Variants in GSR observed in about 807,000 individuals in gnomAD.
The protein encoded by GSR is glutathione-disulfide reductase, also known as glutathione reductase, mitochondrial.
Under a neutral mutation model 56.5 loss-of-function variants are expected in GSR, and 48 were observed. That is an observed-to-expected ratio of 0.85 (90% CI 0.67 to 1.08). GSR has a LOEUF of 1.08. Among genes scored for constraint, GSR ranks in the 50% least tolerant of loss-of-function variants. The probability of loss-of-function intolerance (pLI) is 0.00; values close to 1 mark genes in which losing one functional copy is unlikely to be tolerated. For missense variants in GSR, 694 were observed against 703.3 expected (o/e 0.99, Z 0.15); for synonymous variants, 264 against 270.8 (o/e 0.97, Z 0.25).
chr8:30,690,220 C>T (rs1027400290), intron 8 of GSR, among the ~76,000 whole-genome samples: 4 of 150,052 alleles, frequency 2.7e-5, no homozygotes, highest in African/African-American at 9.8e-5. Flanking sequence ...CTCTGTTGCC[C>T]AGGCTGGAGT....
chr8:30,700,525 T>C (rs891259904), intron 5 of GSR, among the ~76,000 whole-genome samples: 1 of 151,800 alleles, frequency 6.6e-6, no homozygotes, highest in African/African-American at 2.4e-5. Flanking sequence ...TCAAAATCTA[T>C]GTGGCCTGGC....
At chr8:30,699,685 C>T (rs1033650846) in intron 6 of GSR, among the ~76,000 whole-genome samples, 1 of 151,782 alleles carries the variant, frequency 6.6e-6, no homozygotes, top group African/African-American at 2.4e-5. Context: ...CTCAGGTGAT[C>T]TGCCCGCTTC....
rs1804220240 is a variant in GSR at position 30,713,391 on chromosome 8, C to T, written c.307-1303G>A. On this transcript the variant is annotated intron_variant, in intron 1 of 12. Coordinates refer to ENST00000221130, the MANE Select transcript of GSR (RefSeq NM_000637.5). ...GTTTTTTTTTTGAGACTGAGTCTCACTATATCGCGCAGGCTGGAGTATAGT... is the reference window on the plus strand; with the variant it reads ...GTTTTTTTTTTGAGACTGAGTCTCATTATATCGCGCAGGCTGGAGTATAGT... Among the ~76,000 whole-genome samples, 3 of 151,300 alleles carry T rather than the reference C, an allele frequency of 2.0e-5. No homozygotes were observed. In the Admixed American group the frequency reaches 2.0e-4, roughly 10 times the overall value.
At chr8:30,700,481 C>T (rs569213839) in intron 5 of GSR, among the ~76,000 whole-genome samples, 9 of 152,010 alleles carry the variant, frequency 5.9e-5, no homozygotes, top group African/African-American at 2.2e-4. Flanking sequence ...TGTGAGACAC[C>T]GTTCCTGCCT....
chr8:30,726,976 A>G (rs1196231679), intron 1 of GSR: 1 of 152,304 alleles, frequency 6.6e-6, no homozygotes, highest in African/African-American at 2.4e-5. Flanking sequence ...TAAGTCGGGA[A>G]ACATCCCAAA....
In GSR at chr8:30,678,521, C is replaced by A. The variant is rs753362892; in HGVS notation, c.*999G>T. The A allele has an allele frequency of 6.6e-6, 1 of 151,736 alleles. No homozygotes were observed. Among genetic ancestry groups the A allele is most frequent in the African/African-American group, 2.4e-5 (1 of 41,308 alleles). 9.4% of individuals were successfully genotyped at this position (151,736 alleles called of 1,614,324 possible). On this transcript the variant is annotated 3_prime_UTR_variant, in exon 13 of 13. Coordinates refer to ENST00000221130, the MANE Select transcript of GSR (RefSeq NM_000637.5). ...GATTACAGATGCACATCACCACACT[C>A]GGGTAATTTTTTTTACTCTCTGTAG...
chr8:30,691,645 C>T (rs952754683), intron 8 of GSR, among the ~76,000 whole-genome samples: 2 of 150,922 alleles, frequency 1.3e-5, no homozygotes, highest in Non-Finnish European at 2.9e-5. Flanking sequence ...GGCACCACTG[C>T]ACTCCAGCCT....
chr8:30,715,889 T>TA (rs1804316313), intron 1 of GSR, among the ~76,000 whole-genome samples: 3 of 152,228 alleles, frequency 2.0e-5, no homozygotes, highest in Admixed American at 2.0e-4. Context: ...AATATGTTTT[T>TA]TAAAAAAGTT....
At chr8:30,705,335 T>C (rs2128744856) in intron 4 of GSR, among the ~76,000 whole-genome samples, 1 of 152,150 alleles carries the variant, frequency 6.6e-6, no homozygotes, top group Middle Eastern at 3.4e-3. Context: ...TGATCTCAGC[T>C]CACTGCAAGC....
chr8:30,727,476 C>G, intron 1 of GSR, 54 bp downstream of exon 1: 1 of 1,479,288 alleles, frequency 6.8e-7, no homozygotes, highest in Non-Finnish European at 9.1e-7. Context: ...GGCTGTCCCC[C>G]GAAAGACCGA....
chr8:30,724,828 A>AG (rs1804672997), intron 1 of GSR, among the ~76,000 whole-genome samples: 1 of 152,172 alleles, frequency 6.6e-6, no homozygotes, highest in Non-Finnish European at 1.5e-5. Flanking sequence ...CGCCCAGCCT[A>AG]GATGGTTACA....
Position 30,681,052 on chromosome 8 carries a change from A to T in GSR, c.1286-15T>A, listed in dbSNP as rs1393095558. 1 of 1,593,912 alleles carries T rather than the reference A, an allele frequency of 6.3e-7. No individual in the cohort carries two copies. Among genetic ancestry groups the T allele is most frequent in the East Asian group, 2.2e-5 (1 of 44,792 alleles). Reference sequence around the variant, plus strand: ...AATGGCTTCATCTACAATGCACATTAAAAAAAGCATCTATCAGAAAACTAA... The same window carrying T: ...AATGGCTTCATCTACAATGCACATTTAAAAAAGCATCTATCAGAAAACTAA... On this transcript the variant is annotated splice_polypyrimidine_tract_variant and intron_variant, in intron 11 of 12. Coordinates refer to ENST00000221130, the MANE Select transcript of GSR (RefSeq NM_000637.5).
intron 3 of GSR, among the ~76,000 whole-genome samples, chr8:30,708,903 G>A (rs1282143679): frequency 6.7e-6 from 1 of 148,784 alleles, no homozygotes; most frequent in Admixed American, 6.8e-5. Flanking sequence ...AGCGTGCAGT[G>A]AGCCGAGATC....
At chr8:30,725,775 G>A (rs1052665160) in intron 1 of GSR, among the ~76,000 whole-genome samples, 1 of 150,082 alleles carries the variant, frequency 6.7e-6, no homozygotes, top group Non-Finnish European at 1.5e-5. Flanking sequence ...CCAGCTACTC[G>A]AGAGGCTGAG....
chr8:30,709,856 G>A lies in GSR; in HGVS notation c.380C>T (p.Ala127Val). The A allele has an allele frequency of 3.8e-6, 6 of 1,583,996 alleles. No individual in the cohort carries two copies. Among genetic ancestry groups the A allele is most frequent in the East Asian group, 2.2e-5 (1 of 44,462 alleles). ...AVHSEFMHDH[A>V]DYGFPSCEGK... is the part of the protein sequence containing the mutation. Reference sequence around the variant, plus strand: ...CTCACAACTTGGAAAGCCATAATCAGCATGATCATGCATGAATTCAGAGTG... The same window carrying A: ...CTCACAACTTGGAAAGCCATAATCAACATGATCATGCATGAATTCAGAGTG... The change falls in exon 3 of 13, where the codon GCT (alanine) becomes GTT (valine). Residue 127 changes from alanine (A) to valine (V), a missense_variant. Physicochemically the swap from Ala to Val is moderately conservative, Grantham distance 64 (BLOSUM62 0). Coordinates refer to ENST00000221130, the MANE Select transcript of GSR (RefSeq NM_000637.5).
chr8:30,691,770 C>T (rs1031000304), intron 8 of GSR, among the ~76,000 whole-genome samples: 4 of 151,292 alleles, frequency 2.6e-5, no homozygotes, highest in African/African-American at 9.7e-5. Context: ...AATAAGACAC[C>T]TGAGCACAAA....
At chr8:30,705,119 A>C (rs1803878574) in intron 4 of GSR, among the ~76,000 whole-genome samples, 2 of 151,198 alleles carry the variant, frequency 1.3e-5, no homozygotes, top group Admixed American at 1.3e-4. Flanking sequence ...AAAGTATTTC[A>C]GTCAGCTCCA....
At chr8:30,718,111 AAAATAAATAAAT>A (rs35132121) in intron 1 of GSR, among the ~76,000 whole-genome samples, 6 of 147,722 alleles carry the variant, frequency 4.1e-5, no homozygotes, top group South Asian at 4.3e-4. Flanking sequence ...CAAAAAAATA[AAAATAAATAAAT>A]AAATAAATAA....
chr8:30,691,027 G>A (rs1803359834), intron 8 of GSR, among the ~76,000 whole-genome samples: 1 of 151,948 alleles, frequency 6.6e-6, no homozygotes, highest in African/African-American at 2.4e-5. Context: ...ACTACAGCCT[G>A]GGCAACACAG....
Sources: gnomAD v4.1 joint callset for allele counts (sites outside exome capture counted in the v4.1 genomes callset) on GRCh38, gnomAD v4.1.1 for gene constraint, MANE v1.5 for transcripts, NCBI Gene and HGNC (gene_info 2026-07-23, HGNC 2026-07-21) for gene names.